The following CSMD1 variants were observed in gnomAD, a reference collection of about 807,000 sequenced individuals.
CSMD1 encodes the protein CUB and sushi domain-containing protein 1.
In CSMD1, 213 loss-of-function variants were observed where a neutral mutation model predicts 417.5. The observed-to-expected ratio is 0.51, with a 90% confidence interval of 0.46 to 0.57. The LOEUF is 0.57. CSMD1 is among the 20% of genes least tolerant of loss of function. The probability of loss-of-function intolerance (pLI) is 0.00; values close to 1 mark genes in which losing one functional copy is unlikely to be tolerated. For missense variants in CSMD1, 6,923 were observed against 4,529.7 expected (o/e 1.53, Z -15.17); for synonymous variants, 2,862 against 1,736.8 (o/e 1.65, Z -16.11).
chr8:3,225,005 C>T (rs147100056), intron 27 of CSMD1, among the ~76,000 whole-genome samples: 2 of 152,206 alleles, frequency 1.3e-5, no homozygotes, highest in East Asian at 1.9e-4. Flanking sequence ...AATTATATGT[C>T]TTATTTCATT....
At chr8:3,428,114 G>A (rs1357370690) in intron 12 of CSMD1, among the ~76,000 whole-genome samples, 1 of 152,124 alleles carries the variant, frequency 6.6e-6, no homozygotes, top group Non-Finnish European at 1.5e-5. Flanking sequence ...CCTGAAATTT[G>A]AAATTAAATA....
At chr8:3,121,669 C>T (rs1181103800) in intron 41 of CSMD1, among the ~76,000 whole-genome samples, 1 of 152,156 alleles carries the variant, frequency 6.6e-6, no homozygotes, top group Non-Finnish European at 1.5e-5. Flanking sequence ...AGCAGTGACT[C>T]ATGCCTGTGG....
intron 5 of CSMD1, among the ~76,000 whole-genome samples, chr8:3,798,317 T>C (rs6987621): frequency 6.6e-5 from 10 of 151,834 alleles, no homozygotes; most frequent in African/African-American, 2.2e-4. Context: ...TTCGTCTATC[T>C]TAAGACAACT....
chr8:3,377,337 C>A (rs533678282), intron 18 of CSMD1, among the ~76,000 whole-genome samples: 1 of 152,236 alleles, frequency 6.6e-6, no homozygotes, highest in Admixed American at 6.5e-5. Flanking sequence ...ACCACAAATT[C>A]TTTATACTGA....
At chr8:4,273,689 G>A (rs2128853676) in intron 3 of CSMD1, among the ~76,000 whole-genome samples, 1 of 152,232 alleles carries the variant, frequency 6.6e-6, no homozygotes, top group Non-Finnish European at 1.5e-5. Context: ...ACCTGGATAT[G>A]GTATTCGAAT....
intron 66 of CSMD1, 122 bp from the exon 67 acceptor site, chr8:2,950,465 A>C: frequency 1.5e-6 from 1 of 650,086 alleles, no homozygotes; most frequent in Non-Finnish European, 2.7e-6. Flanking sequence ...AAACTCAAAC[A>C]GAAATTGTAT....
Position 3,245,354 on chromosome 8 carries a change from G to GT in CSMD1, c.4154-15124dup, listed in dbSNP as rs533130827. On this transcript the variant is annotated intron_variant, in intron 26 of 69. Transcript: ENST00000635120. The stretch of plus-strand genomic sequence containing the variant: ...GTGTAAGGGCATTTGCAAAACAAAA[G>GT]TGAGAGGCTGAATTCTCCCTGCAGG... Among the ~76,000 whole-genome samples, 572 of 152,296 alleles carry GT rather than the reference G, an allele frequency of 3.8e-3. 3 individuals are homozygous for GT. The highest frequency in any genetic ancestry group is 6.5e-3 in the Non-Finnish European group (445 of 68,022).
chr8:3,870,498 T>C (rs2975359), intron 5 of CSMD1, among the ~76,000 whole-genome samples: 38,896 of 151,868 alleles, frequency 0.26, 5,294 homozygotes, highest in East Asian at 0.38. Context: ...GGGATTAATG[T>C]CTAAGAAAAA....
At chr8:3,315,715 G>C (rs1295053115) in intron 23 of CSMD1, among the ~76,000 whole-genome samples, 3 of 152,076 alleles carry the variant, frequency 2.0e-5, no homozygotes, top group East Asian at 1.9e-4. Context: ...CTGAACTTAA[G>C]GTAAAACATC....
At chr8:3,267,395 G>C (rs114173461) in intron 26 of CSMD1, among the ~76,000 whole-genome samples, 1 of 152,224 alleles carries the variant, frequency 6.6e-6, no homozygotes, top group Non-Finnish European at 1.5e-5. Context: ...GTGCGTTGGA[G>C]CAAGGCTTCG....
chr8:2,968,413 C>G (rs897906943), intron 57 of CSMD1, among the ~76,000 whole-genome samples: 3 of 152,308 alleles, frequency 2.0e-5, no homozygotes, highest in Admixed American at 2.0e-4. Flanking sequence ...AGAACCAATA[C>G]TTAAACAAGT....
chr8:3,294,819 G>A (rs4606083), intron 25 of CSMD1, among the ~76,000 whole-genome samples: 5,300 of 152,098 alleles, frequency 0.035, 233 homozygotes, highest in African/African-American at 0.097. Flanking sequence ...TTGGTGGGCT[G>A]CACCCATTGT....
At chr8:4,445,891 G>C (rs951746512) in intron 2 of CSMD1, among the ~76,000 whole-genome samples, 1 of 152,194 alleles carries the variant, frequency 6.6e-6, no homozygotes, top group Non-Finnish European at 1.5e-5. Flanking sequence ...CAAGAGGAGA[G>C]AGCACGGATG....
At chr8:3,561,694 G>A (rs1040309111) in intron 10 of CSMD1, among the ~76,000 whole-genome samples, 1 of 152,116 alleles carries the variant, frequency 6.6e-6, no homozygotes, top group Admixed American at 6.5e-5. Context: ...CAGGTGATGG[G>A]TGTACTACCA....
chr8:4,707,328 G>C (rs1366388973), intron 1 of CSMD1, among the ~76,000 whole-genome samples: 1 of 152,128 alleles, frequency 6.6e-6, no homozygotes, highest in Non-Finnish European at 1.5e-5. Flanking sequence ...ATTTCTTCAA[G>C]ATCACAAAGG....
chr8:3,621,305 T>C (rs1304675423), intron 7 of CSMD1, among the ~76,000 whole-genome samples: 1 of 152,088 alleles, frequency 6.6e-6, no homozygotes, highest in Non-Finnish European at 1.5e-5. Context: ...AGTTAATAAG[T>C]AACAGAATGC....
intron 49 of CSMD1, among the ~76,000 whole-genome samples, chr8:3,083,840 T>G (rs995748114): frequency 2.0e-5 from 3 of 150,980 alleles, no homozygotes; most frequent in Admixed American, 6.6e-5. Context: ...TTGTATTTCC[T>G]GTAGAGACAG....
chr8:4,195,681 T>G (rs1436393395), intron 3 of CSMD1, among the ~76,000 whole-genome samples: 1 of 152,134 alleles, frequency 6.6e-6, no homozygotes, highest in Admixed American at 6.5e-5. Context: ...GAGGCTGTGT[T>G]GAAGAATTCC....
chr8:3,439,118 A>G (rs1328270218), intron 12 of CSMD1, among the ~76,000 whole-genome samples: 1 of 84,812 alleles, frequency 1.2e-5, no homozygotes, highest in African/African-American at 4.9e-5. Context: ...GCAAGACTCC[A>G]TCTCAAAAAA....
Sources: allele counts gnomAD v4.1 joint callset (sites outside exome capture counted in the v4.1 genomes callset), GRCh38; gene constraint gnomAD v4.1.1; transcripts MANE v1.5; gene names NCBI Gene and HGNC (gene_info 2026-07-23, HGNC 2026-07-21).